The following AGBL1 variants were observed in gnomAD, a reference collection of about 807,000 sequenced individuals.
The protein encoded by AGBL1 is cytosolic carboxypeptidase 4.
AGBL1 carries 130 observed loss-of-function variants against 118.9 expected under a neutral mutation model. The observed-to-expected ratio is 1.09, with a 90% confidence interval of 0.95 to 1.26. The LOEUF (loss-of-function observed/expected upper bound fraction) is 1.26. Ranked by LOEUF, AGBL1 falls within the 50% of genes most tolerant of loss-of-function variation. The pLI is 0.00. For missense variants in AGBL1, 1,584 were observed against 1,298.1 expected (o/e 1.22, Z -3.38); for synonymous variants, 555 against 478.9 (o/e 1.16, Z -2.08).
intron 22 of AGBL1, among the ~76,000 whole-genome samples, chr15:86,712,727 C>T (rs547552349): frequency 9.4e-4 from 143 of 152,268 alleles, no homozygotes; most frequent in African/African-American, 3.4e-3. Context: ...CTGATTGGAA[C>T]ACAACAAGGC....
intron 17 of AGBL1, among the ~76,000 whole-genome samples, chr15:86,393,590 G>A (rs1029287732): frequency 1.2e-4 from 18 of 152,142 alleles, no homozygotes; most frequent in African/African-American, 2.4e-4. Flanking sequence ...TGGAAAAAGC[G>A]AAACCAACTG....
At position 86,522,503 on chromosome 15, in the gene AGBL1, A is replaced by G. The variant is rs530675042; in HGVS notation, c.2556-307A>G. ...AACGCATAGCCTAGAGAAATTTATT[A>G]AATGTATTCCCCATGGATGTATATA... On this transcript the variant is annotated intron_variant, in intron 18 of 22. Transcript: ENST00000614907. Among the ~76,000 whole-genome samples the G allele has an allele frequency of 8.5e-5, 13 of 152,344 alleles. No homozygotes were observed. In the East Asian group the frequency reaches 2.5e-3, roughly 29 times the overall value.
intron 22 of AGBL1, among the ~76,000 whole-genome samples, chr15:86,739,595 G>A (rs2077649347): frequency 6.6e-6 from 1 of 151,562 alleles, no homozygotes; most frequent in Non-Finnish European, 1.5e-5. Flanking sequence ...AAAGACCTGG[G>A]TTCAAATCCC....
chr15:86,197,417 C>A (rs962290716), intron 5 of AGBL1, among the ~76,000 whole-genome samples: 1 of 152,202 alleles, frequency 6.6e-6, no homozygotes, highest in Admixed American at 6.5e-5. Flanking sequence ...AAATGAGAAA[C>A]AAGTTATTGG....
Position 86,912,968 on chromosome 15 carries a change from T to C in AGBL1, c.*5674T>C, listed in dbSNP as rs530867753. On this transcript the variant is annotated 3_prime_UTR_variant, in exon 23 of 23. Transcript: ENST00000614907. ...CTTCCCAACAGATGTCCTCTTTTGTTTGTGTTGCAGTTTGGTTCATGCTAC... is the reference window on the plus strand; with the variant it reads ...CTTCCCAACAGATGTCCTCTTTTGTCTGTGTTGCAGTTTGGTTCATGCTAC... 6.6e-6 allele frequency: 1 copy of C among 152,250 alleles called. No homozygotes were observed. Among genetic ancestry groups the C allele is most frequent in the South Asian group, 2.1e-4 (1 of 4,818 alleles). The allele number at this position is 152,250 out of a possible 1,614,324, so 9.4% of individuals were successfully genotyped here.
chr15:86,925,872 A>G (rs1050232887), intron 23 of AGBL1, among the ~76,000 whole-genome samples: 1 of 151,564 alleles, frequency 6.6e-6, no homozygotes, highest in Non-Finnish European at 1.5e-5. Context: ...CTGGGACTAC[A>G]GGCGCCCGCC....
chr15:86,455,529 T>C (rs1000706849), intron 18 of AGBL1, among the ~76,000 whole-genome samples: 1 of 152,198 alleles, frequency 6.6e-6, no homozygotes, highest in African/African-American at 2.4e-5. Flanking sequence ...GTATTGGCTA[T>C]CAAATGATTT....
intron 22 of AGBL1, among the ~76,000 whole-genome samples, chr15:86,755,350 C>G (rs533542320): frequency 3.3e-5 from 5 of 152,208 alleles, no homozygotes; most frequent in African/African-American, 1.2e-4. Context: ...ATTATTACAG[C>G]TGAGTAGCGG....
At chr15:86,748,188 G>A (rs1202775813) in intron 22 of AGBL1, among the ~76,000 whole-genome samples, 1 of 152,088 alleles carries the variant, frequency 6.6e-6, no homozygotes, top group East Asian at 1.9e-4. Flanking sequence ...GTGGGAGATG[G>A]TATCTCATTG....
chr15:86,430,225 G>A (rs575804775), intron 18 of AGBL1, among the ~76,000 whole-genome samples: 1 of 152,244 alleles, frequency 6.6e-6, no homozygotes. Flanking sequence ...AGCCAGGCAT[G>A]GTGGCTTAGG....
Position 86,190,871 on chromosome 15 carries a change from G to T in AGBL1, c.488+31845G>T, listed in dbSNP as rs1336375377. ...GATATAAGCAAGACGGCGTACAAAA[G>T]ACATGAATAATTTAAGCTGGGGAAA... On this transcript the variant is annotated intron_variant, in intron 5 of 22. Transcript: ENST00000614907. 2.6e-5 allele frequency among the ~76,000 whole-genome samples: 4 copies of T among 152,190 alleles called. No individual in the cohort carries two copies. In the East Asian group the frequency reaches 7.7e-4, roughly 29 times the overall value.
At chr15:86,970,502 G>A (rs188474442) in intron 23 of AGBL1, among the ~76,000 whole-genome samples, 162 of 152,052 alleles carry the variant, frequency 1.1e-3, no homozygotes, top group African/African-American at 3.7e-3. Flanking sequence ...CAGGCTCAAC[G>A]ACGTTGAGCT....
intron 17 of AGBL1, among the ~76,000 whole-genome samples, chr15:86,320,153 A>G (rs1406514002): frequency 1.3e-5 from 2 of 152,164 alleles, no homozygotes; most frequent in African/African-American, 4.8e-5. Flanking sequence ...TAAAATGTCT[A>G]TTGAGATTTT....
intron 24 of AGBL1, among the ~76,000 whole-genome samples, chr15:87,015,758 C>G (rs1352549111): frequency 6.6e-6 from 1 of 152,092 alleles, no homozygotes; most frequent in African/African-American, 2.4e-5. Context: ...TTGATGAATT[C>G]AGGGATAGAG....
chr15:86,735,653 G>GATATATATTTATATATATATATATAT (rs1460820444), intron 22 of AGBL1, among the ~76,000 whole-genome samples: 1 of 143,006 alleles, frequency 7.0e-6, no homozygotes, highest in Non-Finnish European at 1.5e-5. Flanking sequence ...GCTACAAAGA[G>GATATATATTTATATATATATATATAT]AGATATATAT....
intron 22 of AGBL1, among the ~76,000 whole-genome samples, chr15:86,723,297 C>T (rs1403757462): frequency 6.6e-6 from 1 of 152,180 alleles, no homozygotes; most frequent in Non-Finnish European, 1.5e-5. Context: ...AAATGTGGCA[C>T]ATATACACCA....
chr15:86,647,650 G>A (rs529951836), intron 21 of AGBL1, among the ~76,000 whole-genome samples: 4 of 152,232 alleles, frequency 2.6e-5, no homozygotes, highest in South Asian at 2.1e-4. Flanking sequence ...GCAGTGAGCC[G>A]AAATCACACT....
At chr15:86,712,253 A>G (rs1441606261) in intron 22 of AGBL1, among the ~76,000 whole-genome samples, 1 of 152,202 alleles carries the variant, frequency 6.6e-6, no homozygotes, top group Non-Finnish European at 1.5e-5. Context: ...ACAAAGCAAT[A>G]ATAAAGATGT....
chr15:86,828,517 C>A (rs574874864), intron 22 of AGBL1, among the ~76,000 whole-genome samples: 1 of 152,084 alleles, frequency 6.6e-6, no homozygotes, highest in East Asian at 1.9e-4. Flanking sequence ...GGAGGAGAGA[C>A]TGTAGAGATG....
Sources: gnomAD v4.1 joint callset for allele counts (sites outside exome capture counted in the v4.1 genomes callset) on GRCh38, gnomAD v4.1.1 for gene constraint, MANE v1.5 for transcripts, NCBI Gene and HGNC (gene_info 2026-07-23, HGNC 2026-07-21) for gene names.